DNAH2: variants seen among roughly 807,000 people sequenced by gnomAD.
DNAH2 encodes the protein axonemal beta dynein heavy chain 2.
DNAH2 carries 323 observed loss-of-function variants against 523.5 expected under a neutral mutation model. That is an observed-to-expected ratio of 0.62 (90% CI 0.56 to 0.68). The LOEUF (loss-of-function observed/expected upper bound fraction) is 0.68, where lower values mean the gene tolerates loss of function less well. Among genes scored for constraint, DNAH2 ranks in the 30% least tolerant of loss-of-function variants. The pLI is 0.00. For synonymous variants in DNAH2, 2,093 were observed against 2,177.4 expected (o/e 0.96, Z 1.08); for missense variants, 4,907 against 5,701.5 (o/e 0.86, Z 4.49).
intron 22 of DNAH2, among the ~76,000 whole-genome samples, chr17:7,767,483 A>G (rs2076200628): frequency 6.6e-6 from 1 of 151,272 alleles, no homozygotes; most frequent in Non-Finnish European, 1.5e-5. Flanking sequence ...TCATATGGAA[A>G]CTCTATGTTT....
chr17:7,741,244 T>C (rs537554500), intron 11 of DNAH2, among the ~76,000 whole-genome samples: 10 of 29,748 alleles, frequency 3.4e-4, no homozygotes, highest in African/African-American at 6.8e-4. Flanking sequence ...CTCTCTTTCT[T>C]TCTTTCTTTC....
chr17:7,824,732 G>A lies in DNAH2; in HGVS notation c.11853+5G>A, dbSNP rs1477107392. On this transcript the variant is annotated splice_donor_5th_base_variant and intron_variant, in intron 77 of 85. Coordinates refer to ENST00000572933, the MANE Select transcript of DNAH2 (RefSeq NM_020877.5). ...ATGACCACAGAGCCACCAAAGGTAT[G>A]TGGCCATAGAGAACCAGCATCATCA... The A allele has an allele frequency of 1.3e-6, 2 of 1,531,306 alleles. No individual in the cohort carries two copies. The highest frequency in any genetic ancestry group is 1.8e-6 in the Non-Finnish European group (2 of 1,127,774). 94.9% of individuals were successfully genotyped at this position (1,531,306 alleles called of 1,614,324 possible). A position where few individuals can be genotyped will look rare whatever the true frequency, so the allele number is the denominator to read the frequency against.
chr17:7,831,177 C>T lies in DNAH2; in HGVS notation c.12322C>T (p.Pro4108Ser), dbSNP rs1567771637. 5.6e-6 allele frequency: 9 copies of T among 1,614,198 alleles called. No individual in the cohort carries two copies. The highest frequency in any genetic ancestry group is 2.2e-5 in the East Asian group (1 of 44,884). ...CAGCTTATTGCCTGGCATGGACCCC[C>T]CTGAGGCCTTTGGCCAGCACCCCAA... ...YISLLPGMDP[P>S]EAFGQHPNAD... Residue 4108 changes from proline (P) to serine (S), a missense_variant, in exon 80 of 86, where the codon CCT becomes TCT. Around this residue, in one of 3 missense-constraint regions of DNAH2, gnomAD observed 1,851 missense variants for 2,139.4 expected, o/e 0.87. Coordinates refer to ENST00000572933, the MANE Select transcript of DNAH2 (RefSeq NM_020877.5). The surrounding 1 kb of genome is among the most constrained non-coding windows in gnomAD (Gnocchi z 4.2).
rs1217604196 is a variant in DNAH2 at position 7,801,895 on chromosome 17, C to T, written c.8850C>T (p.Ala2950=). The change falls in exon 58 of 86, where the codon GCC becomes GCT. Residue 2950 remains alanine, a synonymous_variant. Coordinates refer to ENST00000572933, the MANE Select transcript of DNAH2 (RefSeq NM_020877.5). ...GTQENIHRKV[A]QIFVTMHWSV... ...GGCCTCAGATCCACAGGAAGGTGGC[C>T]CAGATCTTTGTCACTATGCACTGGT... 7 of 1,614,184 alleles carry T rather than the reference C, an allele frequency of 4.3e-6. No homozygotes were observed. The highest frequency in any genetic ancestry group is 5.9e-6 in the Non-Finnish European group (7 of 1,180,040).
chr17:7,726,214 C>T (rs1172023774), intron 3 of DNAH2, among the ~76,000 whole-genome samples: 1 of 152,018 alleles, frequency 6.6e-6, no homozygotes, highest in East Asian at 1.9e-4. Flanking sequence ...CCATGTTGGC[C>T]AGGCTGGTCT....
At chr17:7,815,588 A>G (rs552531575) in intron 63 of DNAH2, among the ~76,000 whole-genome samples, 1 of 152,094 alleles carries the variant, frequency 6.6e-6, no homozygotes, top group East Asian at 1.9e-4. Context: ...TCACACACAC[A>G]TATACAGGAT....
In DNAH2 at chr17:7,807,535, G is replaced by C. The variant is rs1266559890; in HGVS notation, c.9678G>C (p.Gln3226His). The change falls in exon 63 of 86, where the codon CAG becomes CAC. Residue 3226 changes from glutamine to histidine, a missense_variant. Gln to His is a conservative substitution (Grantham distance 24, BLOSUM62 0). Transcript: ENST00000572933. The surrounding 1 kb of genome is among the most constrained non-coding windows in gnomAD (Gnocchi z 5.6). ...KRIRMNAALA[Q>H]LREKQAALAE... ...TCCGAATGAACGCTGCCTTGGCTCA[G>C]CTTCGGGAGAAGCAAGCCGCGCTCG... 11 of 1,613,286 alleles carry C rather than the reference G, an allele frequency of 6.8e-6. No homozygotes were observed. Among genetic ancestry groups the C allele is most frequent in the Non-Finnish European group, 9.3e-6 (11 of 1,180,016 alleles).
chr17:7,766,036 C>T (rs561392214), intron 21 of DNAH2, among the ~76,000 whole-genome samples: 8 of 152,264 alleles, frequency 5.3e-5, no homozygotes, highest in African/African-American at 9.6e-5. Flanking sequence ...CTCGGCCTCC[C>T]AAAGTACTGG....
intron 5 of DNAH2, among the ~76,000 whole-genome samples, chr17:7,733,596 G>A (rs858433): frequency 6.6e-6 from 1 of 150,720 alleles, no homozygotes; most frequent in Non-Finnish European, 1.5e-5. Flanking sequence ...TCCTGCCTCA[G>A]ACTCTCGAGT....
intron 39 of DNAH2, among the ~76,000 whole-genome samples, chr17:7,783,836 CA>C (rs1222150528): frequency 5.4e-5 from 8 of 148,800 alleles, no homozygotes; most frequent in Non-Finnish European, 1.0e-4. Flanking sequence ...CCTAAGCAAA[CA>C]AAAATCACAA....
intron 21 of DNAH2, among the ~76,000 whole-genome samples, chr17:7,765,805 A>G (rs555760996): frequency 5.7e-4 from 87 of 151,404 alleles, no homozygotes; most frequent in Non-Finnish European, 1.1e-3. Context: ...TTGAGATGGA[A>G]TCTCGCTCTG....
chr17:7,723,594 A>G, intron 2 of DNAH2, 34 bp from the exon 3 acceptor site: 2 of 1,604,250 alleles, frequency 1.2e-6, no homozygotes, highest in South Asian at 2.2e-5. Flanking sequence ...CTTTCCAAGA[A>G]ATGCCTTCCT....
rs1355579291 is a variant in DNAH2, at chr17:7,832,636, G to A, written c.12784G>A (p.Glu4262Lys). 6.2e-7 allele frequency: 1 copy of A among 1,614,160 alleles called. No individual in the cohort carries two copies. Among genetic ancestry groups the A allele is most frequent in the Non-Finnish European group, 8.5e-7 (1 of 1,180,044 alleles). ...GACCCGGGACTTGGCCATGCGTGTG[G>A]AGCAGTTTGAGCTGTGGGCCAGCCG... ...AWTRDLAMRV[E>K]QFELWASRAR... is the part of the protein sequence containing the mutation. The change falls in exon 83 of 86, where the codon GAG becomes AAG. Residue 4262 changes from glutamate (E) to lysine (K), a missense_variant. Transcript: ENST00000572933. The surrounding 1 kb of genome is among the most constrained non-coding windows in gnomAD (Gnocchi z 4.3).
chr17:7,741,274 CT>C (rs1567624522), intron 11 of DNAH2, among the ~76,000 whole-genome samples: 70 of 53,328 alleles, frequency 1.3e-3, no homozygotes, highest in African/African-American at 6.9e-3. Context: ...TTCTTTCTTT[CT>C]TTCTTTCTTT....
rs1321328550 is a variant in DNAH2 at position 7,743,387 on chromosome 17, C to G, written c.1904+245C>G. 3 of 703,768 alleles carry G rather than the reference C, an allele frequency of 4.3e-6. No homozygotes were observed. In the South Asian group the frequency reaches 4.5e-5, roughly 10 times the overall value. 43.6% of individuals were successfully genotyped at this position (703,768 alleles called of 1,614,324 possible). A position where few individuals can be genotyped will look rare whatever the true frequency, so the allele number is the denominator to read the frequency against. ...ACAACAAAACAAAACAATGATCGGCCAGGCACGGTGGCTCACACCTGTAAT... is the reference window on the plus strand; with the variant it reads ...ACAACAAAACAAAACAATGATCGGCGAGGCACGGTGGCTCACACCTGTAAT... On this transcript the variant is annotated intron_variant, in intron 12 of 85. Transcript: ENST00000572933.
chr17:7,813,678 C>G (rs1336924501), intron 63 of DNAH2, among the ~76,000 whole-genome samples: 2 of 152,100 alleles, frequency 1.3e-5, no homozygotes, highest in African/African-American at 4.8e-5. Context: ...GAGGTTGACG[C>G]GGGTGGATGA....
chr17:7,811,694 T>C (rs927419804), intron 63 of DNAH2, among the ~76,000 whole-genome samples: 41 of 152,210 alleles, frequency 2.7e-4, no homozygotes, highest in African/African-American at 9.4e-4. Flanking sequence ...ACTAGGGCAC[T>C]AATCCCATTC....
Position 7,780,487 on chromosome 17 carries a change from A to T in DNAH2, c.5851-143A>T, listed in dbSNP as rs1054029556. On this transcript the variant is annotated intron_variant, in intron 37 of 85. Transcript: ENST00000572933. The surrounding 1 kb of genome is among the most constrained non-coding windows in gnomAD (Gnocchi z 4.4). ...ACTAACTGACAATGGCGTCATTCAC[A>T]CAATTTCCTCAGGAGAATCCATAGA... 2.1e-6 allele frequency: 3 copies of T among 1,409,184 alleles called. No individual in the cohort carries two copies. The highest frequency in any genetic ancestry group is 2.9e-6 in the Non-Finnish European group (3 of 1,031,114). The allele number at this position is 1,409,184 out of a possible 1,614,324, so 87.3% of individuals were successfully genotyped here.
intron 4 of DNAH2, among the ~76,000 whole-genome samples, chr17:7,730,346 T>G (rs2074948277): frequency 6.6e-6 from 1 of 152,086 alleles, no homozygotes; most frequent in Admixed American, 6.6e-5. Context: ...GCCAAGGACA[T>G]TAACACAATT....
Sources: gnomAD v4.1 joint callset for allele counts (sites outside exome capture counted in the v4.1 genomes callset) on GRCh38, gnomAD v4.1.1 for gene constraint, gnomAD v4.1.1 regional missense constraint, Gnocchi (gnomAD v3.1) non-coding constraint, MANE v1.5 for transcripts, NCBI Gene and HGNC (gene_info 2026-07-23, HGNC 2026-07-21) for gene names.